The following TMEM98 variants were observed in gnomAD, a reference collection of about 807,000 sequenced individuals.
TMEM98 encodes the protein transmembrane protein 98.
In TMEM98, 18 loss-of-function variants were observed where a neutral mutation model predicts 25.0. The ratio of observed to expected loss-of-function variants is 0.72; its 90% CI spans 0.50 to 1.07. TMEM98 has a LOEUF of 1.07. Ranked by LOEUF, TMEM98 falls within the 50% of genes least tolerant of loss-of-function variation. The pLI, the probability that TMEM98 is intolerant of heterozygous loss-of-function variation, is 0.00. For synonymous variants in TMEM98, 103 were observed against 112.4 expected (o/e 0.92, Z 0.53); for missense variants, 241 against 289.0 (o/e 0.83, Z 1.20).
At chr17:32,939,609 C>T in intron 7 of TMEM98, 73 bp downstream of exon 7, 1 of 1,574,314 alleles carries the variant, frequency 6.4e-7, no homozygotes, top group Non-Finnish European at 8.7e-7. Flanking sequence ...ATCTGTGAGG[C>T]TGGCTGACTG....
At chr17:32,937,088 G>A (rs2091500616) in intron 6 of TMEM98, among the ~76,000 whole-genome samples, 1 of 152,256 alleles carries the variant, frequency 6.6e-6, no homozygotes, top group African/African-American at 2.4e-5. Flanking sequence ...GCCAAGGGCT[G>A]TACTAAGTTT....
intron 1 of TMEM98, among the ~76,000 whole-genome samples, chr17:32,930,252 GTTC>G (rs1294115535): frequency 6.6e-6 from 1 of 152,118 alleles, no homozygotes; most frequent in East Asian, 1.9e-4. Context: ...AGATGCCCTT[GTTC>G]TTCTGGCTTA....
intron 6 of TMEM98, among the ~76,000 whole-genome samples, chr17:32,939,198 G>A (rs2091513754): frequency 6.6e-6 from 1 of 152,188 alleles, no homozygotes; most frequent in African/African-American, 2.4e-5. Context: ...CCTGAGGTCA[G>A]GAGTTCAAGG....
chr17:32,932,189 C>T (rs1012036033), intron 3 of TMEM98, among the ~76,000 whole-genome samples: 80 of 151,594 alleles, frequency 5.3e-4, no homozygotes, highest in African/African-American at 1.7e-3. Flanking sequence ...CAACCTCCGC[C>T]TCCCGGGTTC....
At position 32,939,311 on chromosome 17, in the gene TMEM98, G is replaced by A. The variant is rs535617234; in HGVS notation, c.414-166G>A. ...AATCCCAGCTACTTGGGAAGCTGAG[G>A]CAGGAGAATCACTTGAGCCTGGGAG... On this transcript the variant is annotated intron_variant, in intron 6 of 7. Coordinates refer to ENST00000579849, the MANE Select transcript of TMEM98 (RefSeq NM_015544.3). 1.1e-3 allele frequency among the ~76,000 whole-genome samples: 171 copies of A among 152,212 alleles called. 1 individual carries two copies. The highest frequency in any genetic ancestry group is 4.0e-3 in the African/African-American group (168 of 41,526).
chr17:32,935,065 AG>A (rs2091489087), intron 5 of TMEM98, among the ~76,000 whole-genome samples: 1 of 152,088 alleles, frequency 6.6e-6, no homozygotes, highest in Non-Finnish European at 1.5e-5. Context: ...CTCTTTGACT[AG>A]TAATTATTCA....
At chr17:32,933,018 G>A (rs958177386) in intron 3 of TMEM98, among the ~76,000 whole-genome samples, 156 bp from the exon 4 acceptor site, 33 of 152,172 alleles carry the variant, frequency 2.2e-4, no homozygotes, top group African/African-American at 8.0e-4. Flanking sequence ...CTCAGCTGCA[G>A]CCCCACTAGG....
intron 3 of TMEM98, among the ~76,000 whole-genome samples, chr17:32,932,550 C>G (rs1462953959): frequency 6.6e-6 from 1 of 152,226 alleles, no homozygotes; most frequent in Non-Finnish European, 1.5e-5. Flanking sequence ...CTATCAGCAT[C>G]TCTGTCAAGT....
At chr17:32,940,673 A>C in intron 7 of TMEM98, 113 bp from the exon 8 acceptor site, 1 of 986,260 alleles carries the variant, frequency 1.0e-6, no homozygotes, top group Non-Finnish European at 1.5e-6. Flanking sequence ...CCAACATCCT[A>C]GGGAAGGGTG....
At chr17:32,940,447 T>A (rs185207500) in intron 7 of TMEM98, among the ~76,000 whole-genome samples, 1 of 152,314 alleles carries the variant, frequency 6.6e-6, no homozygotes, top group African/African-American at 2.4e-5. Flanking sequence ...CTGAACTGTT[T>A]CACAAAGCGC....
rs944609867 is a variant in TMEM98 at position 32,936,517 on chromosome 17, C to T, written c.413+70C>T. The stretch of plus-strand genomic sequence containing the variant: ...GAGAGGGGCTGGAAGCTGGGGTAGC[C>T]GCAGAGCTGGGCTCTTCTATAAAAT... On this transcript the variant is annotated intron_variant, in intron 6 of 7. Coordinates refer to ENST00000579849, the MANE Select transcript of TMEM98 (RefSeq NM_015544.3). 3.1e-5 allele frequency: 42 copies of T among 1,359,796 alleles called. No homozygotes were observed. The Middle Eastern group carries it at 7.3e-4, about 24-fold the overall frequency. The allele number at this position is 1,359,796 out of a possible 1,614,324, so 84.2% of individuals were successfully genotyped here.
intron 1 of TMEM98, among the ~76,000 whole-genome samples, chr17:32,929,980 A>G (rs892353316): frequency 6.6e-6 from 1 of 152,100 alleles, no homozygotes; most frequent in Admixed American, 6.5e-5. Context: ...ATCTATCTCC[A>G]ATCTCCAGTG....
At chr17:32,936,783 G>A (rs1041843713) in intron 6 of TMEM98, among the ~76,000 whole-genome samples, 8 of 152,134 alleles carry the variant, frequency 5.3e-5, no homozygotes, top group Admixed American at 2.0e-4. Context: ...CCCTTGACAC[G>A]CCTTCCTCCC....
intron 1 of TMEM98, 104 bp from the exon 2 acceptor site, chr17:32,931,223 A>G: frequency 3.5e-6 from 1 of 282,008 alleles, no homozygotes; most frequent in South Asian, 5.5e-5. Context: ...AACAAACACA[A>G]ACAAACAAAC....
In TMEM98 at chr17:32,931,643, C is replaced by G. The variant is rs750254295; in HGVS notation, c.115C>G (p.Gln39Glu). The G allele has an allele frequency of 4.4e-6, 7 of 1,605,644 alleles. No homozygotes were observed. Among genetic ancestry groups the G allele is most frequent in the East Asian group, 2.2e-5 (1 of 44,728 alleles). ...QRYCRPRDLLQRYDSKPIVDL... is the reference protein window; with the variant it reads ...QRYCRPRDLLERYDSKPIVDL... The stretch of plus-strand genomic sequence containing the variant: ...CTACTGCCGGCCGCGAGACCTGCTG[C>G]AGCGCTATGATTCTAAGTGAGTGAG... Residue 39 changes from glutamine to glutamate, a missense_variant, in exon 3 of 8, where the codon CAG becomes GAG. By Grantham distance (29) the Gln-to-Glu change is conservative. Coordinates refer to ENST00000579849, the MANE Select transcript of TMEM98 (RefSeq NM_015544.3).
In TMEM98 at chr17:32,934,318, C is replaced by G. The variant is rs775267295; in HGVS notation, c.291C>G (p.Ile97Met). 4.3e-6 allele frequency: 7 copies of G among 1,614,028 alleles called. No homozygotes were observed. The African/African-American group carries it at 5.3e-5, about 12-fold the overall frequency. ...ASGLMSHCIAILKICHTLTEK... is the reference protein window; with the variant it reads ...ASGLMSHCIAMLKICHTLTEK... The stretch of plus-strand genomic sequence containing the variant: ...GTCTCATGTCCCACTGCATTGCCAT[C>G]TTGAAGGTAACCCTCTCTTATTTCT... Residue 97 changes from isoleucine to methionine, a missense_variant, in exon 5 of 8, where the codon ATC (isoleucine) becomes ATG (methionine). Coordinates refer to ENST00000579849, the MANE Select transcript of TMEM98 (RefSeq NM_015544.3).
chr17:32,929,395 G>C (rs1305570779), intron 1 of TMEM98, among the ~76,000 whole-genome samples: 2 of 152,154 alleles, frequency 1.3e-5, no homozygotes, highest in African/African-American at 2.4e-5. Flanking sequence ...TGGTCTTGGA[G>C]GCCTGGGGAC....
In TMEM98 at chr17:32,931,459, T is replaced by C; in HGVS notation, c.-54-16T>C. On this transcript the variant is annotated splice_polypyrimidine_tract_variant and intron_variant, in intron 2 of 7. Coordinates refer to ENST00000579849, the MANE Select transcript of TMEM98 (RefSeq NM_015544.3). ...GCTTCTTGACCAGATCTGCTCTGACTTCATGTTCTCTCAAGCTTTAGCCCA... is the reference window on the plus strand; with the variant it reads ...GCTTCTTGACCAGATCTGCTCTGACCTCATGTTCTCTCAAGCTTTAGCCCA... The C allele has an allele frequency of 6.4e-7, 1 of 1,560,338 alleles. No individual in the cohort carries two copies. The highest frequency in any genetic ancestry group is 8.7e-7 in the Non-Finnish European group (1 of 1,151,726).
Position 32,936,364 on chromosome 17 carries a change from C to T in TMEM98, c.330C>T (p.Ala110=), listed in dbSNP as rs1382351166. Residue 110 remains alanine (A), a synonymous_variant, in exon 6 of 8, where the codon GCC becomes GCT. Transcript: ENST00000579849. ...ICHTLTEKLV[A]MTMGSGAKMK... ...ACACTCTGACAGAGAAGCTTGTTGC[C>T]ATGACAATGGGCTCTGGGGCCAAGA... The T allele has an allele frequency of 1.2e-6, 2 of 1,614,154 alleles. No individual in the cohort carries two copies. Among genetic ancestry groups the T allele is most frequent in the East Asian group, 2.2e-5 (1 of 44,876 alleles).
Sources: gnomAD v4.1 joint callset for allele counts (sites outside exome capture counted in the v4.1 genomes callset) on GRCh38, gnomAD v4.1.1 for gene constraint, MANE v1.5 for transcripts, NCBI Gene and HGNC (gene_info 2026-07-23, HGNC 2026-07-21) for gene names.